ELMO1: variants seen among roughly 807,000 people sequenced by gnomAD.
ELMO1 encodes the protein engulfment and cell motility 1.
Under a neutral mutation model 98.9 loss-of-function variants are expected in ELMO1, and 26 were observed. The ratio of observed to expected loss-of-function variants is 0.26; its 90% confidence interval spans 0.19 to 0.36. The LOEUF (loss-of-function observed/expected upper bound fraction) is 0.36. Ranked by LOEUF, ELMO1 falls within the 10% of genes least tolerant of loss-of-function variation. The pLI is 1.00. For synonymous variants in ELMO1, 346 were observed against 346.0 expected, an observed-to-expected ratio of 1.00 and a Z score of 0.00; for missense variants, 627 against 935.2, an observed-to-expected ratio of 0.67 and a Z score of 4.30.
chr7:36,901,343 G>T (rs1284528994), intron 16 of ELMO1, among the ~76,000 whole-genome samples: 1 of 152,162 alleles, frequency 6.6e-6, no homozygotes, highest in East Asian at 1.9e-4. Flanking sequence ...TTTATTTTAG[G>T]ACAATGAGGC....
At chr7:36,926,574 T>C (rs957309330) in intron 16 of ELMO1, among the ~76,000 whole-genome samples, 2 of 152,086 alleles carry the variant, frequency 1.3e-5, no homozygotes, top group Admixed American at 1.3e-4. Context: ...CTTAAACCCA[T>C]ATGACTGAAG....
chr7:37,134,440 T>G (rs981363203), intron 13 of ELMO1, among the ~76,000 whole-genome samples: 1 of 151,288 alleles, frequency 6.6e-6, no homozygotes, highest in African/African-American at 2.4e-5. Context: ...GCGCCTGTAA[T>G]CCCAGCTACT....
chr7:37,183,563 A>G (rs903470598), intron 13 of ELMO1, among the ~76,000 whole-genome samples: 1 of 112,244 alleles, frequency 8.9e-6, no homozygotes. Context: ...CCCAGAAGAG[A>G]GAGAGAGAAA....
intron 13 of ELMO1, among the ~76,000 whole-genome samples, chr7:37,182,731 T>G (rs970714330): frequency 2.0e-5 from 3 of 152,112 alleles, no homozygotes; most frequent in Non-Finnish European, 4.4e-5. Context: ...CAATTATCAC[T>G]GAATTCTGGT....
intron 14 of ELMO1, among the ~76,000 whole-genome samples, chr7:37,100,076 C>T (rs1284459857): frequency 6.6e-6 from 1 of 152,084 alleles, no homozygotes; most frequent in African/African-American, 2.4e-5. Flanking sequence ...CTCAGGTGAT[C>T]CCTCTCCAAT....
intron 7 of ELMO1, among the ~76,000 whole-genome samples, chr7:37,243,373 A>C (rs140107857): frequency 2.0e-4 from 31 of 152,302 alleles, no homozygotes; most frequent in African/African-American, 7.5e-4. Flanking sequence ...GTAAGTGTGG[A>C]TTTGGAGTAA....
intron 15 of ELMO1, among the ~76,000 whole-genome samples, chr7:37,068,277 G>T (rs1338988228): frequency 6.6e-6 from 1 of 152,204 alleles, no homozygotes; most frequent in Non-Finnish European, 1.5e-5. Flanking sequence ...GGAAAGTACA[G>T]TAAGTTAGCA....
intron 14 of ELMO1, among the ~76,000 whole-genome samples, chr7:37,101,918 C>T (rs1200051797): frequency 6.6e-6 from 1 of 152,138 alleles, no homozygotes; most frequent in African/African-American, 2.4e-5. Context: ...CTAAAGCGTT[C>T]CAGCCACCAT....
At chr7:37,351,284 G>C (rs1801255874) in intron 1 of ELMO1, 1 of 152,196 alleles carries the variant, frequency 6.6e-6, no homozygotes, top group Non-Finnish European at 1.5e-5. Flanking sequence ...CAATAAATGT[G>C]ATCCAACCTA....
intron 14 of ELMO1, among the ~76,000 whole-genome samples, chr7:37,118,264 C>A (rs747461875): frequency 6.6e-6 from 1 of 152,146 alleles, no homozygotes; most frequent in Non-Finnish European, 1.5e-5. Flanking sequence ...TGTTGTCCTG[C>A]GAGGGATCCA....
rs932314845 is a variant in ELMO1, at chr7:37,334,287, A to T, written c.78+8326T>A. On this transcript the variant is annotated intron_variant, in intron 2 of 21. Coordinates refer to ENST00000310758, the MANE Select transcript of ELMO1 (RefSeq NM_014800.11). ...ATGATGAAACCCTGTCTCTACTAAA[A>T]ATACAAAAATTAGCCAGGCATGGTG... Among the ~76,000 whole-genome samples, 25 of 152,120 alleles carry T rather than the reference A, an allele frequency of 1.6e-4. 1 individual carries two copies. The highest frequency in any genetic ancestry group is 3.7e-4 in the Non-Finnish European group (25 of 68,006).
At chr7:36,915,186 C>A (rs1784604415) in intron 16 of ELMO1, among the ~76,000 whole-genome samples, 1 of 152,120 alleles carries the variant, frequency 6.6e-6, no homozygotes, top group African/African-American at 2.4e-5. Context: ...TCTGCCCAGC[C>A]CCCTGAGGAG....
chr7:37,139,401 A>G (rs367562537), intron 13 of ELMO1, among the ~76,000 whole-genome samples: 1 of 152,364 alleles, frequency 6.6e-6, no homozygotes, highest in East Asian at 1.9e-4. Flanking sequence ...ATGTATGCCA[A>G]TCAGTAGCTC....
chr7:37,195,871 G>C (rs1462444110), intron 13 of ELMO1, among the ~76,000 whole-genome samples: 1 of 152,166 alleles, frequency 6.6e-6, no homozygotes, highest in East Asian at 1.9e-4. Context: ...CAAGAAACAA[G>C]GAAAAGCTTT....
At chr7:37,014,204 T>A (rs1562897281) in intron 15 of ELMO1, among the ~76,000 whole-genome samples, 1 of 152,008 alleles carries the variant, frequency 6.6e-6, no homozygotes, top group African/African-American at 2.4e-5. Context: ...CCTCCCATCA[T>A]CCCATCTGTC....
intron 1 of ELMO1, among the ~76,000 whole-genome samples, chr7:37,390,581 AT>A (rs1396629641): frequency 6.6e-6 from 1 of 152,038 alleles, no homozygotes; most frequent in Non-Finnish European, 1.5e-5. Flanking sequence ...CAGTAATTCT[AT>A]TTCTAATCCT....
At chr7:37,259,469 TTACAGAG>T in intron 5 of ELMO1, 119 bp from the exon 6 acceptor site, 1 of 1,122,434 alleles carries the variant, frequency 8.9e-7, no homozygotes, top group Non-Finnish European at 1.3e-6. Context: ...TATCTGCATA[TTACAGAG>T]TGGGCATCTC....
At chr7:37,225,901 A>C (rs1584836567) in intron 8 of ELMO1, among the ~76,000 whole-genome samples, 1 of 152,202 alleles carries the variant, frequency 6.6e-6, no homozygotes, top group East Asian at 1.9e-4. Flanking sequence ...TTATATCAGC[A>C]TAATGACTGT....
intron 1 of ELMO1, among the ~76,000 whole-genome samples, chr7:37,423,574 T>G (rs1214802053): frequency 6.6e-6 from 1 of 150,684 alleles, no homozygotes; most frequent in East Asian, 1.9e-4. Context: ...AGCCAGACCC[T>G]GTCTCAAAGA....
Sources: allele counts gnomAD v4.1 joint callset (sites outside exome capture counted in the v4.1 genomes callset), GRCh38; gene constraint gnomAD v4.1.1; transcripts MANE v1.5; gene names NCBI Gene and HGNC (gene_info 2026-07-23, HGNC 2026-07-21).